The following TDRP variants were observed in gnomAD, a reference collection of about 807,000 sequenced individuals.
TDRP encodes testis development related protein, also known as testis development-related protein.
TDRP carries 12 observed loss-of-function variants against 10.5 expected under a neutral mutation model. The ratio of observed to expected loss-of-function variants is 1.15; its 90% confidence interval spans 0.73 to 1.86. The LOEUF is 1.86. TDRP is among the 40% of genes most tolerant of loss of function. TDRP has a pLI of 0.00. For synonymous variants in TDRP, 139 were observed against 95.4 expected (o/e 1.46, Z -2.67); for missense variants, 353 against 229.2 (o/e 1.54, Z -3.49).
chr8:542,788 G>A (rs1056767580), intron 1 of TDRP, among the ~76,000 whole-genome samples: 9 of 150,090 alleles, frequency 6.0e-5, no homozygotes, highest in African/African-American at 2.2e-4. Context: ...ACTTGAACCC[G>A]GGAGGGTGCA....
intron 1 of TDRP, among the ~76,000 whole-genome samples, chr8:521,359 G>C (rs969296893): frequency 6.6e-6 from 1 of 151,858 alleles, no homozygotes; most frequent in Non-Finnish European, 1.5e-5. Context: ...GGGGCTTACA[G>C]TGAGCCGAGC....
chr8:494,670 C>A, intron 1 of TDRP, 73 bp from the exon 2 acceptor site: 1 of 1,334,392 alleles, frequency 7.5e-7, no homozygotes, highest in Admixed American at 1.8e-5. Context: ...ACTCCAATAA[C>A]CATGGAGTTG....
chr8:518,805 G>A (rs1034951849), intron 1 of TDRP, among the ~76,000 whole-genome samples: 1 of 151,780 alleles, frequency 6.6e-6, no homozygotes, highest in African/African-American at 2.4e-5. Flanking sequence ...TATCTTAATA[G>A]AAAGTCTAAT....
chr8:523,254 C>G (rs1201776026), intron 1 of TDRP, among the ~76,000 whole-genome samples: 1 of 152,164 alleles, frequency 6.6e-6, no homozygotes, highest in East Asian at 1.9e-4. Context: ...GATAATTTAA[C>G]TTAACCCCGC....
intron 1 of TDRP, among the ~76,000 whole-genome samples, chr8:504,142 C>G (rs1041250816): frequency 6.6e-6 from 1 of 152,202 alleles, no homozygotes; most frequent in South Asian, 2.1e-4. Flanking sequence ...GGGTTCTGAC[C>G]GCAGCCCTGT....
chr8:526,884 G>A (rs976078468), intron 1 of TDRP, among the ~76,000 whole-genome samples: 15 of 152,130 alleles, frequency 9.9e-5, no homozygotes, highest in Non-Finnish European at 1.8e-4. Context: ...AAAAATAAAA[G>A]ACATTCAAAC....
At chr8:528,241 C>G (rs1369318523) in intron 1 of TDRP, among the ~76,000 whole-genome samples, 2 of 152,158 alleles carry the variant, frequency 1.3e-5, no homozygotes, top group African/African-American at 2.4e-5. Context: ...TGGCTTTTAT[C>G]CAAAAGACAG....
intron 1 of TDRP, among the ~76,000 whole-genome samples, chr8:498,883 T>G (rs566876766): frequency 5.1e-5 from 6 of 117,158 alleles, no homozygotes; most frequent in African/African-American, 3.1e-4. Context: ...GGCACCTCCC[T>G]GTTCTCTCTC....
In TDRP at chr8:515,278, A is replaced by T. The variant is rs539238632; in HGVS notation, c.109-20681T>A. ...AACTGCTCACTTAGCAATCATTCAGACAGAAAAAAATGTAAAATTAGGAAA... is the reference window on the plus strand; with the variant it reads ...AACTGCTCACTTAGCAATCATTCAGTCAGAAAAAAATGTAAAATTAGGAAA... On this transcript the variant is annotated intron_variant, in intron 1 of 2. Transcript: ENST00000324079. Among the ~76,000 whole-genome samples, 69 of 152,346 alleles carry T rather than the reference A, an allele frequency of 4.5e-4. 2 individuals are homozygous for T. The South Asian group carries it at 0.014, about 30-fold the overall frequency.
chr8:545,059 T>G, upstream of TDRP: 4 of 159,010 alleles, frequency 2.5e-5, no homozygotes, highest in East Asian at 1.2e-4. Flanking sequence ...CCCCAAACCT[T>G]CCCCAGGACC....
At position 492,363 on chromosome 8, in the gene TDRP, C is replaced by G. The variant is rs146172866; in HGVS notation, c.*36G>C. ...AACTACATGGTATACTCATAAAAGG[C>G]CACCATGTCGGGGCACACTTGCCAC... On this transcript the variant is annotated 3_prime_UTR_variant, in exon 3 of 3. Transcript: ENST00000324079. The G allele has an allele frequency of 2.0e-4, 294 of 1,458,238 alleles. 1 individual carries two copies. The African/African-American group carries it at 3.2e-3, about 16-fold the overall frequency. The allele number at this position is 1,458,238 out of a possible 1,614,324, so 90.3% of individuals were successfully genotyped here. A position where few individuals can be genotyped will look rare whatever the true frequency, so the allele number is the denominator to read the frequency against.
At chr8:542,403 G>A (rs560572214) in intron 1 of TDRP, among the ~76,000 whole-genome samples, 110 of 152,100 alleles carry the variant, frequency 7.2e-4, no homozygotes, top group Non-Finnish European at 1.2e-3. Flanking sequence ...TAGGTCCACA[G>A]ATTGTAACAA....
chr8:540,460 G>C (rs146047628), intron 1 of TDRP, among the ~76,000 whole-genome samples: 156 of 152,294 alleles, frequency 1.0e-3, no homozygotes, highest in African/African-American at 3.6e-3. Flanking sequence ...TTTCCCATTA[G>C]AAACTTTGAA....
At chr8:507,734 A>C (rs890236603) in intron 1 of TDRP, among the ~76,000 whole-genome samples, 1 of 152,188 alleles carries the variant, frequency 6.6e-6, no homozygotes, top group Non-Finnish European at 1.5e-5. Flanking sequence ...CAACAGCAAC[A>C]ATGGGAAAGG....
intron 1 of TDRP, among the ~76,000 whole-genome samples, chr8:538,001 G>C (rs1367775577): frequency 6.6e-6 from 1 of 152,118 alleles, no homozygotes; most frequent in African/African-American, 2.4e-5. Flanking sequence ...TTCTTGGTTG[G>C]GAAGAGGTTT....
intron 1 of TDRP, among the ~76,000 whole-genome samples, chr8:514,269 T>C (rs543667378): frequency 2.0e-5 from 3 of 152,324 alleles, no homozygotes; most frequent in Admixed American, 6.5e-5. Flanking sequence ...GACAGATGAA[T>C]GGAAAAGAAC....
At chr8:500,152 C>T (rs1417070949) in intron 1 of TDRP, among the ~76,000 whole-genome samples, 1 of 152,170 alleles carries the variant, frequency 6.6e-6, no homozygotes, top group East Asian at 1.9e-4. Context: ...AAAGTAAGTT[C>T]CTGCACAAAA....
chr8:513,001 G>A (rs572308724), intron 1 of TDRP, among the ~76,000 whole-genome samples: 5 of 150,386 alleles, frequency 3.3e-5, no homozygotes, highest in East Asian at 3.9e-4. Flanking sequence ...TGGAGAAATT[G>A]AATTAGTAAT....
intron 1 of TDRP, among the ~76,000 whole-genome samples, chr8:509,189 T>C (rs1159601601): frequency 6.6e-6 from 1 of 152,322 alleles, no homozygotes; most frequent in East Asian, 1.9e-4. Flanking sequence ...TCCAGGCATA[T>C]GGTGCAAACT....
Sources: gnomAD v4.1 joint callset for allele counts (sites outside exome capture counted in the v4.1 genomes callset) on GRCh38, gnomAD v4.1.1 for gene constraint, MANE v1.5 for transcripts, NCBI Gene and HGNC (gene_info 2026-07-23, HGNC 2026-07-21) for gene names.